Variants in CFTR observed in about 807,000 individuals in gnomAD.
CFTR encodes cystic fibrosis transmembrane conductance regulator.
CFTR carries 181 observed loss-of-function variants against 171.6 expected under a neutral mutation model. The ratio of observed to expected loss-of-function variants is 1.05; its 90% CI spans 0.93 to 1.19. The LOEUF is 1.19. CFTR is among the 50% of genes most tolerant of loss of function. The pLI is 0.00. For missense variants in CFTR, 1,968 were observed against 1,734.7 expected (o/e 1.13, Z -2.39); for synonymous variants, 583 against 608.0 (o/e 0.96, Z 0.60).
intron 10 of CFTR, among the ~76,000 whole-genome samples, chr7:117,551,231 G>T (rs1474787695): frequency 6.6e-6 from 1 of 152,136 alleles, no homozygotes; most frequent in East Asian, 1.9e-4. Context: ...ATAATGGCGT[G>T]TTATTCAGCC....
chr7:117,668,154 C>A lies in CFTR; in HGVS notation c.*1046C>A, dbSNP rs759454406. ...ACACTAAGAGAGAATGAGAGACACA[C>A]TGAAGAAGCACCAATCATGAATTAG... On this transcript the variant is annotated 3_prime_UTR_variant, in exon 27 of 27. Transcript: ENST00000003084. 1 of 152,072 alleles carries A rather than the reference C, an allele frequency of 6.6e-6. No individual in the cohort carries two copies. The highest frequency in any genetic ancestry group is 1.5e-5 in the Non-Finnish European group (1 of 68,024). The allele number at this position is 152,072 out of a possible 1,614,324, so 9.4% of individuals were successfully genotyped here. A position where few individuals can be genotyped will look rare whatever the true frequency, so the allele number is the denominator to read the frequency against.
intron 17 of CFTR, 113 bp downstream of exon 17, chr7:117,603,895 G>A (rs1792266268): frequency 1.8e-6 from 2 of 1,112,546 alleles, no homozygotes; most frequent in South Asian, 2.5e-5. Context: ...TGTGCCCTTT[G>A]TTGAACCTCC....
At chr7:117,602,150 G>A (rs1175559223) in intron 15 of CFTR, among the ~76,000 whole-genome samples, 4 of 152,004 alleles carry the variant, frequency 2.6e-5, no homozygotes, top group South Asian at 2.1e-4. Context: ...CTGGTGCCTC[G>A]GCCACCTGAG....
At chr7:117,549,935 C>T (rs1037537819) in intron 10 of CFTR, among the ~76,000 whole-genome samples, 1 of 152,060 alleles carries the variant, frequency 6.6e-6, no homozygotes, top group African/African-American at 2.4e-5. Context: ...AAGAAAGACT[C>T]CTGAAAGGCA....
chr7:117,666,612 G>A (rs181301194), intron 26 of CFTR, among the ~76,000 whole-genome samples: 27 of 152,082 alleles, frequency 1.8e-4, no homozygotes. Context: ...CATTTTCTAG[G>A]TAATTTATAA....
At chr7:117,586,630 A>T (rs934125625) in intron 11 of CFTR, among the ~76,000 whole-genome samples, 4 of 152,166 alleles carry the variant, frequency 2.6e-5, no homozygotes, top group Non-Finnish European at 5.9e-5. Context: ...AACCATTTTG[A>T]TACTTTAGAT....
intron 11 of CFTR, among the ~76,000 whole-genome samples, chr7:117,576,317 T>C (rs1417872054): frequency 6.6e-6 from 1 of 152,138 alleles, no homozygotes; most frequent in Non-Finnish European, 1.5e-5. Context: ...TGTACATACA[T>C]TTTGCTTGTC....
At position 117,540,175 on chromosome 7, in the gene CFTR, C is replaced by T. The variant is rs1165242377; in HGVS notation, c.945C>T (p.Phe315=). 6.2e-7 allele frequency: 1 copy of T among 1,614,004 alleles called. No homozygotes were observed. The highest frequency in any genetic ancestry group is 8.5e-7 in the Non-Finnish European group (1 of 1,179,910). ...FNSSAFFFSG[F]FVVFLSVLPY... The stretch of plus-strand genomic sequence containing the variant: ...GCTCAGCCTTCTTCTTCTCAGGGTT[C>T]TTTGTGGTGTTTTTATCTGTGCTTC... Residue 315 remains phenylalanine (F), a synonymous_variant, in exon 8 of 27, where the codon TTC becomes TTT. Coordinates refer to ENST00000003084, the MANE Select transcript of CFTR (RefSeq NM_000492.4).
chr7:117,610,622 C>G lies in CFTR; in HGVS notation c.3092C>G (p.Ala1031Gly), dbSNP rs779196228. 6.2e-7 allele frequency: 1 copy of G among 1,613,408 alleles called. No individual in the cohort carries two copies. Among genetic ancestry groups the G allele is most frequent in the African/African-American group, 1.3e-5 (1 of 74,882 alleles). Residue 1031 changes from alanine (A) to glycine (G), a missense_variant, in exon 19 of 27, where the codon GCA becomes GGA. Transcript: ENST00000003084. ...ATAGTGGCTTTTATTATGTTGAGAGCATATTTCCTCCAAACCTCACAGCAA... is the reference window on the plus strand; with the variant it reads ...ATAGTGGCTTTTATTATGTTGAGAGGATATTTCCTCCAAACCTCACAGCAA... ...PVIVAFIMLR[A>G]YFLQTSQQLK...
In CFTR at chr7:117,507,270, C is replaced by A. The variant is rs193230349; in HGVS notation, c.165-1764C>A. ...ACCTTGCCTTCTCCTCAGGTAACTACCCCATTCTATTTTTTCTTTCATAGC... is the reference window on the plus strand; with the variant it reads ...ACCTTGCCTTCTCCTCAGGTAACTAACCCATTCTATTTTTTCTTTCATAGC... On this transcript the variant is annotated intron_variant, in intron 2 of 26. Coordinates refer to ENST00000003084, the MANE Select transcript of CFTR (RefSeq NM_000492.4). Among the ~76,000 whole-genome samples the A allele has an allele frequency of 4.6e-5, 7 of 152,264 alleles. No individual in the cohort carries two copies. In the East Asian group the frequency reaches 1.4e-3, roughly 29 times the overall value.
At chr7:117,493,916 A>T (rs954510209) in intron 1 of CFTR, among the ~76,000 whole-genome samples, 1 of 152,120 alleles carries the variant, frequency 6.6e-6, no homozygotes, top group African/African-American at 2.4e-5. Context: ...AATCATGTGT[A>T]GCCATAACAT....
chr7:117,552,310 A>T (rs925417166), intron 10 of CFTR, among the ~76,000 whole-genome samples: 1 of 151,936 alleles, frequency 6.6e-6, no homozygotes, highest in African/African-American at 2.4e-5. Flanking sequence ...GCATATATAT[A>T]TTTTTAACCT....
chr7:117,602,681 G>A, intron 15 of CFTR, 145 bp from the exon 16 acceptor site: 1 of 791,104 alleles, frequency 1.3e-6, no homozygotes, highest in Admixed American at 1.7e-5. Context: ...CTGGACCCAG[G>A]AACACAAAGC....
chr7:117,555,486 C>A (rs1012259047), intron 10 of CFTR, among the ~76,000 whole-genome samples: 1 of 152,196 alleles, frequency 6.6e-6, no homozygotes, highest in Non-Finnish European at 1.5e-5. Flanking sequence ...GAGCAGTTCT[C>A]TCTCCAGTAA....
Position 117,610,603 on chromosome 7 carries a change from G to T in CFTR, c.3073G>T (p.Ala1025Ser), listed in dbSNP as rs1319259748. The T allele has an allele frequency of 2.5e-6, 4 of 1,613,402 alleles. No homozygotes were observed. The Admixed American group carries it at 6.7e-5, about 27-fold the overall frequency. Residue 1025 changes from alanine (A) to serine (S), a missense_variant, in exon 19 of 27, where the codon GCT becomes TCT. By Grantham distance (99) the Ala-to-Ser change is moderately conservative (BLOSUM62 1). Coordinates refer to ENST00000003084, the MANE Select transcript of CFTR (RefSeq NM_000492.4). The part of the protein sequence containing the change: ...IFVATVPVIV[A>S]FIMLRAYFLQ... ...TGTTGCAACAGTGCCAGTGATAGTGGCTTTTATTATGTTGAGAGCATATTT... is the reference window on the plus strand; with the variant it reads ...TGTTGCAACAGTGCCAGTGATAGTGTCTTTTATTATGTTGAGAGCATATTT...
intron 18 of CFTR, among the ~76,000 whole-genome samples, chr7:117,607,931 G>A (rs934804233): frequency 2.0e-5 from 3 of 152,262 alleles, no homozygotes; most frequent in African/African-American, 7.2e-5. Context: ...CATGTCCTGA[G>A]TCACTAAATG....
rs1793401322 is a variant in CFTR at position 117,667,269 on chromosome 7, T to G, written c.*161T>G. 1.4e-6 allele frequency: 1 copy of G among 702,068 alleles called. No individual in the cohort carries two copies. Among genetic ancestry groups the G allele is most frequent in the African/African-American group, 1.8e-5 (1 of 56,766 alleles). The allele number at this position is 702,068 out of a possible 1,614,324, so 43.5% of individuals were successfully genotyped here. A position where few individuals can be genotyped will look rare whatever the true frequency, so the allele number is the denominator to read the frequency against. ...AAAAGAAACATTTGGTAAGGGGAAT[T>G]GAGGACACTGATATGGGTCTTGATA... is the stretch of plus-strand genomic sequence containing the variant. On this transcript the variant is annotated 3_prime_UTR_variant, in exon 27 of 27. Coordinates refer to ENST00000003084, the MANE Select transcript of CFTR (RefSeq NM_000492.4).
chr7:117,546,127 G>A (rs984289210), intron 9 of CFTR, among the ~76,000 whole-genome samples: 9 of 152,066 alleles, frequency 5.9e-5, no homozygotes, highest in African/African-American at 2.2e-4. Flanking sequence ...CTGAGTAGCT[G>A]GGATTACAGG....
At chr7:117,585,270 C>T (rs1339546848) in intron 11 of CFTR, among the ~76,000 whole-genome samples, 1 of 151,922 alleles carries the variant, frequency 6.6e-6, no homozygotes, top group Admixed American at 6.6e-5. Context: ...CCTTCCCTGT[C>T]TCTTTTCCTT....
Sources: allele counts gnomAD v4.1 joint callset (sites outside exome capture counted in the v4.1 genomes callset), GRCh38; gene constraint gnomAD v4.1.1; transcripts MANE v1.5; gene names NCBI Gene and HGNC (gene_info 2026-07-23, HGNC 2026-07-21).